Variants in GOLT1B observed in about 807,000 individuals in gnomAD.
GOLT1B encodes golgi transport 1B.
In GOLT1B, 3 loss-of-function variants were observed where a neutral mutation model predicts 15.4. The ratio of observed to expected loss-of-function variants is 0.19; its 90% CI spans 0.09 to 0.50. The LOEUF is 0.50. GOLT1B is among the 20% of genes least tolerant of loss of function. The pLI is 0.97. For missense variants in GOLT1B, 145 were observed against 160.4 expected, an observed-to-expected ratio of 0.90 and a Z score of 0.52; for synonymous variants, 65 against 56.2, an observed-to-expected ratio of 1.16 and a Z score of -0.70.
intron 2 of GOLT1B, chr12:21,507,318 C>T (rs1213664779): frequency 4.3e-6 from 1 of 230,050 alleles, no homozygotes; most frequent in African/African-American, 2.3e-5. Context: ...TTTAAACATC[C>T]AAGACTTCAC....
At chr12:21,512,471 A>T (rs1943727186) in intron 4 of GOLT1B, 95 bp downstream of exon 4, 1 of 731,190 alleles carries the variant, frequency 1.4e-6, no homozygotes, top group Admixed American at 2.1e-5. Context: ...TTAATTGCTG[A>T]GTTTTGTATT....
At position 21,515,925 on chromosome 12, in the gene GOLT1B, G is replaced by A. The variant is rs1307561098; in HGVS notation, c.*218G>A. 2.3e-6 allele frequency: 1 copy of A among 437,222 alleles called. No homozygotes were observed. The highest frequency in any genetic ancestry group is 4.0e-6 in the Non-Finnish European group (1 of 251,002). 27.1% of individuals were successfully genotyped at this position (437,222 alleles called of 1,614,324 possible). A position where few individuals can be genotyped will look rare whatever the true frequency, so the allele number is the denominator to read the frequency against. ...CTAAGAAGAAGTCAGCAAGCAAACT[G>A]AGAGAGGTGAAATCCATGTTAATGA... On this transcript the variant is annotated 3_prime_UTR_variant, in exon 5 of 5. Transcript: ENST00000229314.
intron 1 of GOLT1B, among the ~76,000 whole-genome samples, chr12:21,505,206 G>A (rs182212658): frequency 8.5e-5 from 13 of 152,206 alleles, no homozygotes; most frequent in Non-Finnish European, 1.2e-4. Context: ...TACATAGTAG[G>A]TGTCTTTCCA....
At chr12:21,512,435 T>C (rs1943727009) in intron 4 of GOLT1B, 59 bp downstream of exon 4, 1 of 832,530 alleles carries the variant, frequency 1.2e-6, no homozygotes, top group African/African-American at 1.7e-5. Context: ...TTTTTACTTC[T>C]AGAAATTTGA....
Position 21,508,399 on chromosome 12 carries a change from G to C in GOLT1B, c.134G>C (p.Gly45Ala). The C allele has an allele frequency of 6.4e-7, 1 of 1,561,818 alleles. No homozygotes were observed. Among genetic ancestry groups the C allele is most frequent in the Non-Finnish European group, 8.7e-7 (1 of 1,153,500 alleles). ...LAIGNVLFVA[G>A]LAFVIGLERT... ...CTCTTTTAGGTTTTATTTGTAGCCGGCTTGGCTTTTGTAATTGGTTTAGAA... is the reference window on the plus strand; with the variant it reads ...CTCTTTTAGGTTTTATTTGTAGCCGCCTTGGCTTTTGTAATTGGTTTAGAA... Residue 45 changes from glycine (G) to alanine (A), a missense_variant, in exon 3 of 5, where the codon GGC (glycine) becomes GCC (alanine). Transcript: ENST00000229314.
intron 1 of GOLT1B, among the ~76,000 whole-genome samples, chr12:21,504,258 A>G (rs1198041371): frequency 6.6e-6 from 1 of 152,066 alleles, no homozygotes; most frequent in African/African-American, 2.4e-5. Context: ...GTTTTACTGG[A>G]TATGATTCCG....
In GOLT1B at chr12:21,516,180, G is replaced by C. The variant is rs1943754495; in HGVS notation, c.*473G>C. On this transcript the variant is annotated 3_prime_UTR_variant, in exon 5 of 5. Transcript: ENST00000229314. ...TTCGATTGGATTGTGTCATTTTAAA[G>C]TATTAAAACCAAGGAAACCCCAATT... The C allele has an allele frequency of 6.6e-6, 1 of 152,288 alleles. No individual in the cohort carries two copies. The allele number at this position is 152,288 out of a possible 1,614,324, so 9.4% of individuals were successfully genotyped here. A position where few individuals can be genotyped will look rare whatever the true frequency, so the allele number is the denominator to read the frequency against.
chr12:21,505,836 C>T (rs778381853), intron 1 of GOLT1B, among the ~76,000 whole-genome samples: 7 of 151,988 alleles, frequency 4.6e-5, no homozygotes, highest in Non-Finnish European at 5.9e-5. Flanking sequence ...AACTAAACTA[C>T]GGATTAATGG....
chr12:21,510,816 C>T (rs904543591), intron 3 of GOLT1B, among the ~76,000 whole-genome samples: 11 of 152,286 alleles, frequency 7.2e-5, no homozygotes, highest in Admixed American at 3.3e-4. Flanking sequence ...TTCTGCAGAT[C>T]CATAACAGAA....
rs1943726000 is a variant in GOLT1B, at chr12:21,512,319, C to T, written c.321C>T (p.Gly107=). 3 of 1,571,914 alleles carry T rather than the reference C, an allele frequency of 1.9e-6. No individual in the cohort carries two copies. The highest frequency in any genetic ancestry group is 2.2e-5 in the South Asian group (2 of 89,818). Residue 107 remains glycine (G), a synonymous_variant, in exon 4 of 5, where the codon GGC becomes GGT. Coordinates refer to ENST00000229314, the MANE Select transcript of GOLT1B (RefSeq NM_016072.5). ...GGGGCTTCTTTCCTGTCGTTGTTGG[C>T]TTTATTAGAAGAGTGCCAGTCCTTG... ...LFRGFFPVVV[G]FIRRVPVLGS... is the part of the protein sequence containing the mutation.
At chr12:21,503,345 A>C (rs1224634224) in intron 1 of GOLT1B, among the ~76,000 whole-genome samples, 2 of 152,204 alleles carry the variant, frequency 1.3e-5, no homozygotes, top group African/African-American at 4.8e-5. Context: ...TGCATGGTCA[A>C]AGAAAAAGTG....
In GOLT1B at chr12:21,518,111, T is replaced by G. The variant is rs1482423311; in HGVS notation, c.*2404T>G. 1 of 152,482 alleles carries G rather than the reference T, an allele frequency of 6.6e-6. No homozygotes were observed. 9.4% of individuals were successfully genotyped at this position (152,482 alleles called of 1,614,324 possible). On this transcript the variant is annotated 3_prime_UTR_variant, in exon 5 of 5. Coordinates refer to ENST00000229314, the MANE Select transcript of GOLT1B (RefSeq NM_016072.5). ...ATTATATTATCTAACAATTGAATAT[T>G]GTAAATATACTTGTCTTACCTCTCA...
At chr12:21,512,695 TA>T (rs1325118554) in intron 4 of GOLT1B, among the ~76,000 whole-genome samples, 6 of 152,224 alleles carry the variant, frequency 3.9e-5, no homozygotes, top group Non-Finnish European at 5.9e-5. Flanking sequence ...TCTCTAATTT[TA>T]GAAGCAATAA....
chr12:21,503,721 G>A (rs1018267469), intron 1 of GOLT1B, among the ~76,000 whole-genome samples: 1 of 152,218 alleles, frequency 6.6e-6, no homozygotes, highest in Non-Finnish European at 1.5e-5. Context: ...TTGTGTGTGA[G>A]TGTGTTTAAC....
At chr12:21,514,371 A>G (rs549546487) in intron 4 of GOLT1B, among the ~76,000 whole-genome samples, 3 of 152,342 alleles carry the variant, frequency 2.0e-5, no homozygotes, top group South Asian at 4.1e-4. Flanking sequence ...GAGCTAAAGA[A>G]TGGCTTACCT....
rs935930817 is a variant in GOLT1B, at chr12:21,501,844, C to T, written c.-80C>T. Reference sequence around the variant, plus strand: ...GTGGCGGCTCTCGCCTGGGCTGTTTCCCGGCTTCATTTCTCCCGACTCAGC... The same window carrying T: ...GTGGCGGCTCTCGCCTGGGCTGTTTTCCGGCTTCATTTCTCCCGACTCAGC... On this transcript the variant is annotated 5_prime_UTR_variant, in exon 1 of 5. Coordinates refer to ENST00000229314, the MANE Select transcript of GOLT1B (RefSeq NM_016072.5). 2.4e-5 allele frequency: 24 copies of T among 1,003,108 alleles called. No individual in the cohort carries two copies. The African/African-American group carries it at 3.4e-4, about 14-fold the overall frequency. The allele number at this position is 1,003,108 out of a possible 1,614,324, so 62.1% of individuals were successfully genotyped here.
chr12:21,515,931 G>T lies in GOLT1B; in HGVS notation c.*224G>T. The T allele has an allele frequency of 2.3e-6, 1 of 431,656 alleles. No individual in the cohort carries two copies. Among genetic ancestry groups the T allele is most frequent in the Non-Finnish European group, 4.0e-6 (1 of 247,360 alleles). The allele number at this position is 431,656 out of a possible 1,614,324, so 26.7% of individuals were successfully genotyped here. On this transcript the variant is annotated 3_prime_UTR_variant, in exon 5 of 5. Coordinates refer to ENST00000229314, the MANE Select transcript of GOLT1B (RefSeq NM_016072.5). Reference sequence around the variant, plus strand: ...AGAAGTCAGCAAGCAAACTGAGAGAGGTGAAATCCATGTTAATGATGCTTA... The same window carrying T: ...AGAAGTCAGCAAGCAAACTGAGAGATGTGAAATCCATGTTAATGATGCTTA...
chr12:21,512,148 T>G, intron 3 of GOLT1B, 147 bp from the exon 4 acceptor site: 1 of 580,236 alleles, frequency 1.7e-6, no homozygotes, highest in South Asian at 2.3e-5. Flanking sequence ...ATCACAAAAT[T>G]TTTAATTAAG....
chr12:21,507,760 A>G lies in GOLT1B; in HGVS notation c.118-623A>G, dbSNP rs184112514. 2.4e-3 allele frequency among the ~76,000 whole-genome samples: 363 copies of G among 152,296 alleles called. 3 individuals are homozygous for G. Among genetic ancestry groups the G allele is most frequent in the Non-Finnish European group, 1.5e-3 (104 of 68,012 alleles). ...TTTGGAAAGAAAACCTGGGGAAAGC[A>G]AGCTCTTAATCCATCACCATTTCTT... On this transcript the variant is annotated intron_variant, in intron 2 of 4. Coordinates refer to ENST00000229314, the MANE Select transcript of GOLT1B (RefSeq NM_016072.5).
Sources: gnomAD v4.1 joint callset for allele counts (sites outside exome capture counted in the v4.1 genomes callset) on GRCh38, gnomAD v4.1.1 for gene constraint, MANE v1.5 for transcripts, NCBI Gene and HGNC (gene_info 2026-07-23, HGNC 2026-07-21) for gene names.